Variants in TAF1 observed in about 807,000 individuals in gnomAD.
TAF1 encodes the protein TATA-box binding protein associated factor 1.
In TAF1, 2 loss-of-function variants were observed where a neutral mutation model predicts 138.5. The ratio of observed to expected loss-of-function variants is 0.01; its 90% CI spans 0.01 to 0.05. The LOEUF is 0.05. Ranked by LOEUF, TAF1 falls within the 10% of genes least tolerant of loss-of-function variation. The probability of loss-of-function intolerance (pLI) is 1.00; values close to 1 mark genes in which losing one functional copy is unlikely to be tolerated. For missense variants in TAF1, 709 were observed against 1,478.0 expected (o/e 0.48, Z 8.53); for synonymous variants, 437 against 503.2 (o/e 0.87, Z 1.76).
At chrX:71,489,345 A>G (rs1376303923) in intron 13 of TAF1, among the ~76,000 whole-genome samples, 1 of 110,603 alleles carries the variant, frequency 9.0e-6, no homozygotes, top group Non-Finnish European at 1.9e-5. Context: ...CTGAAATGGA[A>G]TAGAAAATAA....
At chrX:71,525,330 C>T (rs907161543) in intron 13 of TAF1, among the ~76,000 whole-genome samples, 1 of 112,366 alleles carries the variant, frequency 8.9e-6, no homozygotes, top group Admixed American at 9.4e-5. Context: ...GCGTGAGCCA[C>T]CACCCCTGGC....
rs397952861 is a variant in TAF1, at chrX:71,527,386, C to CAA, written c.1367-1139_1367-1138dup. On this transcript the variant is annotated intron_variant and NMD_transcript_variant, in intron 13 of 14. Coordinates refer to the TAF1 transcript ENST00000373775. ...GGGCAACAGGAGCCAAACTCCGTCT[C>CAA]AAAAAAAAAAAAAAAAAAGAAAAGA... 9.4e-3 allele frequency among the ~76,000 whole-genome samples: 409 copies of CAA among 43,428 alleles called. 2 individuals are homozygous for CAA. The highest frequency in any genetic ancestry group is 0.029 in the African/African-American group (373 of 12,829). 37.7% of individuals were successfully genotyped at this position (43,428 alleles called of 115,157 possible).
chrX:71,525,199 A>T (rs1476211928), intron 13 of TAF1, among the ~76,000 whole-genome samples: 1 of 108,376 alleles, frequency 9.2e-6, no homozygotes, highest in Non-Finnish European at 1.9e-5. Context: ...CCGCCACCAC[A>T]CCCGGCTAAT....
rs1461088937 is a variant in TAF1, at chrX:71,465,566, G to A, written c.*1520G>A. ...ATATTCCAGTCCTTTAATGCTGGAA[G>A]GGCTGAGATGAGACTGAAAGATGGG... On this transcript the variant is annotated 3_prime_UTR_variant, in exon 38 of 38. Coordinates refer to ENST00000423759, the MANE Select transcript of TAF1 (RefSeq NM_004606.5). 2 of 111,819 alleles carry A rather than the reference G, an allele frequency of 1.8e-5. No homozygotes were observed. The highest frequency in any genetic ancestry group is 6.5e-5 in the African/African-American group (2 of 30,752). 9.2% of individuals were successfully genotyped at this position (111,819 alleles called of 1,213,427 possible).
At chrX:71,425,988 G>A (rs1301679269) in intron 32 of TAF1, among the ~76,000 whole-genome samples, 2 of 109,676 alleles carry the variant, frequency 1.8e-5, no homozygotes, top group Non-Finnish European at 3.8e-5. Flanking sequence ...GGCTGGGTGC[G>A]GTAGCTCACA....
In TAF1 at chrX:71,483,151, CT is replaced by C. The variant is rs35875629; in HGVS notation, c.1366+22365del. ...TGACTGGCTTTTTTTTTTTTCTTTTCTTTTTTTTTTTTTTTTTGTAGAGATG... is the reference window on the plus strand; with the variant it reads ...TGACTGGCTTTTTTTTTTTTCTTTTCTTTTTTTTTTTTTTTTGTAGAGATG... On this transcript the variant is annotated intron_variant and NMD_transcript_variant, in intron 13 of 14. Coordinates refer to the TAF1 transcript ENST00000373775. 6.9e-3 allele frequency among the ~76,000 whole-genome samples: 517 copies of C among 74,900 alleles called. 2 individuals are homozygous for C. Among genetic ancestry groups the C allele is most frequent in the African/African-American group, 0.023 (456 of 20,053 alleles). 65.0% of individuals were successfully genotyped at this position (74,900 alleles called of 115,157 possible).
intron 32 of TAF1, among the ~76,000 whole-genome samples, chrX:71,452,186 G>A (rs2038019712): frequency 9.1e-6 from 1 of 109,967 alleles, no homozygotes; most frequent in African/African-American, 3.3e-5. Context: ...CTCCTGGACG[G>A]GGTGGCTGCC....
Position 71,388,905 on chromosome X carries a change from G to A in TAF1, c.2700+37G>A, listed in dbSNP as rs2034397337. The A allele has an allele frequency of 2.6e-6, 3 of 1,162,048 alleles. No individual in the cohort carries two copies. In the East Asian group the frequency reaches 9.0e-5, roughly 35 times the overall value. The stretch of plus-strand genomic sequence containing the variant: ...CCTCTTAGACACCACTTATGCCTGT[G>A]GTTTTTTGTTTTTTTTTTTCTTCCC... On this transcript the variant is annotated intron_variant, in intron 17 of 37. Transcript: ENST00000423759.
chrX:71,377,936 C>G, intron 6 of TAF1, 115 bp downstream of exon 6: 1 of 898,502 alleles, frequency 1.1e-6, no homozygotes, highest in Non-Finnish European at 1.5e-6. Flanking sequence ...AGAATCTGTG[C>G]TAATTTTCAA....
intron 1 of TAF1, 21 bp from the exon 2 acceptor site, chrX:71,367,473 TTCGAC>T: frequency 8.3e-7 from 1 of 1,207,468 alleles, no homozygotes; most frequent in Non-Finnish European, 1.1e-6. Context: ...AGTTGTTATC[TTCGAC>T]TCGTGCTGTC....
chrX:71,381,066 T>G (rs924334618), intron 8 of TAF1, among the ~76,000 whole-genome samples: 8 of 112,242 alleles, frequency 7.1e-5, no homozygotes, highest in African/African-American at 2.6e-4. Context: ...GGGTTATATA[T>G]TACTATTACG....
intron 13 of TAF1, among the ~76,000 whole-genome samples, chrX:71,494,318 A>G (rs1404194935): frequency 3.7e-5 from 4 of 108,018 alleles, no homozygotes; most frequent in African/African-American, 1.3e-4. Flanking sequence ...AGCTACTTGG[A>G]AGGCTGAGGC....
At chrX:71,421,543 C>G (rs376277545) in intron 29 of TAF1, among the ~76,000 whole-genome samples, 167 bp downstream of exon 29, 14 of 111,695 alleles carry the variant, frequency 1.3e-4, no homozygotes, top group East Asian at 5.6e-4. Context: ...AGGCCAGTCC[C>G]TTTTGTAGAT....
intron 9 of TAF1, 21 bp from the exon 10 acceptor site, chrX:71,382,515 T>G: frequency 8.3e-7 from 1 of 1,199,707 alleles, no homozygotes; most frequent in South Asian, 1.8e-5. Context: ...GCAACTCAAG[T>G]GATTTTTGTT....
intron 22 of TAF1, 86 bp downstream of exon 22, chrX:71,394,331 T>G: frequency 5.0e-4 from 349 of 691,408 alleles, no homozygotes; most frequent in Non-Finnish European, 6.8e-4. Context: ...TTGAGGGAGA[T>G]CTGGAGGCAG....
intron 24 of TAF1, among the ~76,000 whole-genome samples, chrX:71,399,898 A>AT (rs1193365289): frequency 9.6e-6 from 1 of 104,171 alleles, no homozygotes; most frequent in Non-Finnish European, 2.0e-5. Flanking sequence ...CGCCCAGCTA[A>AT]TTTTTGTATT....
rs369650229 is a variant in TAF1, at chrX:71,508,066, T to TTCTCTCTC, written c.1367-20462_1367-20455dup. On this transcript the variant is annotated intron_variant and NMD_transcript_variant, in intron 13 of 14. Transcript: ENST00000373775. ...ACTTATATCTATACATATATGAATATTCTCTCTCTCTCTCTCTCTCTATAT... is the reference window on the plus strand; with the variant it reads ...ACTTATATCTATACATATATGAATATTCTCTCTCTCTCTCTCTCTCTCTCTCTCTATAT... 4.8e-3 allele frequency among the ~76,000 whole-genome samples: 405 copies of TTCTCTCTC among 83,521 alleles called. 1 individual carries two copies. Among genetic ancestry groups the TTCTCTCTC allele is most frequent in the African/African-American group, 0.016 (341 of 21,506 alleles). 72.5% of individuals were successfully genotyped at this position (83,521 alleles called of 115,157 possible). A position where few individuals can be genotyped will look rare whatever the true frequency, so the allele number is the denominator to read the frequency against.
chrX:71,383,832 T>C, intron 12 of TAF1, 130 bp from the exon 13 acceptor site: 2 of 809,722 alleles, frequency 2.5e-6, no homozygotes, highest in Non-Finnish European at 3.4e-6. Context: ...ACAGTATGTT[T>C]GAAAATTTTG....
intron 13 of TAF1, among the ~76,000 whole-genome samples, chrX:71,484,151 T>G (rs1274301210): frequency 9.0e-6 from 1 of 111,155 alleles, no homozygotes; most frequent in African/African-American, 3.3e-5. Flanking sequence ...ATTATAGGCG[T>G]GAGCCAGCAC....
Sources: allele counts gnomAD v4.1 joint callset (sites outside exome capture counted in the v4.1 genomes callset), GRCh38; gene constraint gnomAD v4.1.1; transcripts MANE v1.5; gene names NCBI Gene and HGNC (gene_info 2026-07-23, HGNC 2026-07-21).